NXPE4: variants seen among roughly 807,000 people sequenced by gnomAD.
The protein encoded by NXPE4 is neurexophilin and PC-esterase domain family member 4, also known as NXPE family member 4.
NXPE4 carries 42 observed loss-of-function variants against 33.3 expected under a neutral mutation model. The ratio of observed to expected loss-of-function variants is 1.26; its 90% CI spans 0.98 to 1.63. The LOEUF is 1.63. Ranked by LOEUF, NXPE4 falls within the 40% of genes most tolerant of loss-of-function variation. NXPE4 has a pLI of 0.00. For missense variants in NXPE4, 709 were observed against 647.6 expected (o/e 1.09, Z -1.03); for synonymous variants, 253 against 234.9 (o/e 1.08, Z -0.71).
chr11:114,603,593 A>G, the NXPE4 span, among the ~76,000 whole-genome samples: 1 of 150,508 alleles, frequency 6.6e-6, no homozygotes, highest in African/African-American at 2.5e-5. Flanking sequence ...AACTCCTATT[A>G]CCTGGTGGAT....
At chr11:114,668,003 G>T in the NXPE4 span, among the ~76,000 whole-genome samples, 1 of 151,228 alleles carries the variant, frequency 6.6e-6, no homozygotes, top group African/African-American at 2.4e-5. Flanking sequence ...AGCACTATTT[G>T]TAACAGTGAG....
the NXPE4 span, among the ~76,000 whole-genome samples, chr11:114,635,809 T>C: frequency 1.3e-5 from 2 of 152,122 alleles, no homozygotes; most frequent in Non-Finnish European, 2.9e-5. Context: ...ATCCCAGGGA[T>C]GAAGCCCACT....
At chr11:114,632,103 A>C in the NXPE4 span, among the ~76,000 whole-genome samples, 2 of 144,954 alleles carry the variant, frequency 1.4e-5, no homozygotes, top group Non-Finnish European at 3.0e-5. Context: ...AATATAATGT[A>C]ATATATAAAT....
At chr11:114,584,210 C>T (rs755017790) in intron 2 of NXPE4, 2 of 376,100 alleles carry the variant, frequency 5.3e-6, no homozygotes, top group Non-Finnish European at 1.1e-5. Context: ...AGAGCTGTGG[C>T]TCTGGATATG....
the NXPE4 span, among the ~76,000 whole-genome samples, chr11:114,636,451 T>C: frequency 6.6e-6 from 1 of 152,130 alleles, no homozygotes; most frequent in East Asian, 1.9e-4. Context: ...GTTTTTTGTG[T>C]CTCTATTTCC....
upstream of NXPE4, among the ~76,000 whole-genome samples, chr11:114,600,678 TAGA>T (rs1352714871): frequency 1.3e-5 from 2 of 152,032 alleles, no homozygotes; most frequent in Non-Finnish European, 2.9e-5. Flanking sequence ...GGTCCTGAAA[TAGA>T]AGAAGGACAT....
chr11:114,636,688 A>C, the NXPE4 span, among the ~76,000 whole-genome samples: 1 of 152,080 alleles, frequency 6.6e-6, no homozygotes, highest in African/African-American at 2.4e-5. Context: ...ATTTCAAAGA[A>C]CATCTTTATT....
chr11:114,677,980 A>T, the NXPE4 span, among the ~76,000 whole-genome samples: 1 of 152,088 alleles, frequency 6.6e-6, no homozygotes, highest in Non-Finnish European at 1.5e-5. Context: ...TTCAAGTTGC[A>T]GTGAGATTTA....
chr11:114,660,908 G>A, the NXPE4 span, among the ~76,000 whole-genome samples: 153 of 152,132 alleles, frequency 1.0e-3, 1 homozygote, highest in African/African-American at 3.4e-3. Flanking sequence ...AAGGTTCAAC[G>A]TTAATATAAA....
upstream of NXPE4, among the ~76,000 whole-genome samples, chr11:114,597,747 A>T (rs10891714): frequency 1.3e-5 from 2 of 151,954 alleles, no homozygotes; most frequent in African/African-American, 2.4e-5. Flanking sequence ...TAAAAAATGG[A>T]GGTACATGTC....
the NXPE4 span, among the ~76,000 whole-genome samples, chr11:114,657,451 C>A: frequency 4.6e-5 from 7 of 152,074 alleles, no homozygotes; most frequent in Admixed American, 4.6e-4. Flanking sequence ...AGATTTTTAA[C>A]AATGGAAATC....
chr11:114,662,755 C>T, the NXPE4 span, among the ~76,000 whole-genome samples: 22 of 152,258 alleles, frequency 1.4e-4, no homozygotes, highest in African/African-American at 5.1e-4. Context: ...GCTGCCGTTC[C>T]AGGCCCTAGC....
chr11:114,581,698 C>T (rs1280404289), intron 4 of NXPE4, 27 bp downstream of exon 4: 4 of 1,586,238 alleles, frequency 2.5e-6, no homozygotes, highest in Non-Finnish European at 2.6e-6. Flanking sequence ...GAACTAGGCA[C>T]CACCCACCAA....
chr11:114,575,616 A>G (rs1591328284), intron 5 of NXPE4, among the ~76,000 whole-genome samples: 1 of 151,942 alleles, frequency 6.6e-6, no homozygotes. Context: ...AATAAAATAA[A>G]ATAAAAACCT....
chr11:114,675,491 AG>A, the NXPE4 span, among the ~76,000 whole-genome samples: 1 of 151,870 alleles, frequency 6.6e-6, no homozygotes, highest in Non-Finnish European at 1.5e-5. Flanking sequence ...AGAAATACAT[AG>A]ATTTTCTATA....
chr11:114,588,304 A>C (rs1438408370), intron 2 of NXPE4, among the ~76,000 whole-genome samples: 1 of 152,168 alleles, frequency 6.6e-6, no homozygotes, highest in Non-Finnish European at 1.5e-5. Flanking sequence ...TGATGTCACT[A>C]GGGTTCCCTT....
chr11:114,665,620 A>G, the NXPE4 span, among the ~76,000 whole-genome samples: 1 of 152,198 alleles, frequency 6.6e-6, no homozygotes. Context: ...AAGAACTAGA[A>G]CAGATTGCTA....
the NXPE4 span, among the ~76,000 whole-genome samples, chr11:114,602,446 AT>A: frequency 2.2e-5 from 3 of 134,318 alleles, no homozygotes; most frequent in Non-Finnish European, 4.6e-5. Flanking sequence ...AATATATAAT[AT>A]ATATTATAAA....
upstream of NXPE4, among the ~76,000 whole-genome samples, chr11:114,597,446 T>C (rs1949587104): frequency 6.6e-6 from 1 of 152,198 alleles, no homozygotes; most frequent in Non-Finnish European, 1.5e-5. Flanking sequence ...TATATTAAAA[T>C]TAACCTTGTG....
Sources: gnomAD v4.1 joint callset for allele counts (sites outside exome capture counted in the v4.1 genomes callset) on GRCh38, gnomAD v4.1.1 for gene constraint, MANE v1.5 for transcripts, NCBI Gene and HGNC (gene_info 2026-07-23, HGNC 2026-07-21) for gene names.